Variants in KPNA6 observed in about 807,000 individuals in gnomAD.
KPNA6 encodes importin subunit alpha-7.
Under a neutral mutation model 72.0 loss-of-function variants are expected in KPNA6, and 9 were observed. The observed-to-expected ratio is 0.13, with a 90% CI of 0.08 to 0.22. The LOEUF is 0.22. KPNA6 is among the 10% of genes least tolerant of loss of function. The pLI is 1.00. For synonymous variants in KPNA6, 219 were observed against 242.1 expected (o/e 0.90, Z 0.89); for missense variants, 374 against 655.7 (o/e 0.57, Z 4.69).
intron 1 of KPNA6, among the ~76,000 whole-genome samples, chr1:32,139,554 A>G (rs1641802680): frequency 6.6e-6 from 1 of 152,198 alleles, no homozygotes. Flanking sequence ...TTTTACAGGA[A>G]ATACAAGGGG....
At chr1:32,129,169 CT>C (rs568094887) in intron 1 of KPNA6, among the ~76,000 whole-genome samples, 148 of 129,554 alleles carry the variant, frequency 1.1e-3, no homozygotes, top group Admixed American at 1.4e-3. Flanking sequence ...TTTTTTCTTT[CT>C]TTTTTTTTTT....
chr1:32,153,355 C>T (rs908695868), intron 1 of KPNA6, among the ~76,000 whole-genome samples: 2 of 151,920 alleles, frequency 1.3e-5, no homozygotes, highest in Non-Finnish European at 2.9e-5. Flanking sequence ...CACCTGAGGT[C>T]AGGAGTTCGA....
rs1445261819 is a variant in KPNA6, at chr1:32,172,492, C to T, written c.*1598C>T. ...TCTATTATCACTGAAACTTAGTAGC[C>T]TGCTTTTTTTTTTTTTTTTTTTAGA... On this transcript the variant is annotated 3_prime_UTR_variant, in exon 14 of 14. Coordinates refer to ENST00000373625, the MANE Select transcript of KPNA6 (RefSeq NM_012316.5). 6.9e-6 allele frequency: 1 copy of T among 145,928 alleles called. No homozygotes were observed. Among genetic ancestry groups the T allele is most frequent in the African/African-American group, 2.6e-5 (1 of 38,080 alleles). The allele number at this position is 145,928 out of a possible 1,614,324, so 9.0% of individuals were successfully genotyped here.
chr1:32,113,856 A>AT (rs1303577593), intron 1 of KPNA6, among the ~76,000 whole-genome samples: 1 of 152,148 alleles, frequency 6.6e-6, no homozygotes, highest in Non-Finnish European at 1.5e-5. Context: ...TGATCGTGAG[A>AT]TTGCAGCAAT....
At position 32,143,370 on chromosome 1, in the gene KPNA6, T is replaced by TA. The variant is rs931930874; in HGVS notation, c.5-11207dup. Among the ~76,000 whole-genome samples, 28 of 147,256 alleles carry TA rather than the reference T, an allele frequency of 1.9e-4. No individual in the cohort carries two copies. In the East Asian group the frequency reaches 2.4e-3, roughly 12 times the overall value. ...CCTGAGCCCAGGCTACAATGCCGATTAAAAAAAAAAATTATTCCAGCCTGG... is the reference window on the plus strand; with the variant it reads ...CCTGAGCCCAGGCTACAATGCCGATTAAAAAAAAAAAATTATTCCAGCCTGG... On this transcript the variant is annotated intron_variant, in intron 1 of 13. Coordinates refer to ENST00000373625, the MANE Select transcript of KPNA6 (RefSeq NM_012316.5).
intron 1 of KPNA6, among the ~76,000 whole-genome samples, chr1:32,123,739 T>TAAAAAA (rs56952347): frequency 1.0e-5 from 1 of 99,938 alleles, no homozygotes; most frequent in Admixed American, 1.1e-4. Flanking sequence ...GACCCTGTCT[T>TAAAAAA]AAAAAAAAAA....
intron 1 of KPNA6, among the ~76,000 whole-genome samples, chr1:32,130,512 G>A (rs990938041): frequency 1.3e-5 from 2 of 152,110 alleles, no homozygotes; most frequent in African/African-American, 4.8e-5. Flanking sequence ...CAGGCCAGAC[G>A]CAGGGTCTCA....
chr1:32,115,273 C>T (rs1456802287), intron 1 of KPNA6, among the ~76,000 whole-genome samples: 4 of 151,602 alleles, frequency 2.6e-5, no homozygotes, highest in Non-Finnish European at 4.4e-5. Flanking sequence ...GTAGCTGGGA[C>T]CACAGGCGCC....
intron 13 of KPNA6, 67 bp from the exon 14 acceptor site, chr1:32,170,640 G>C: frequency 1.5e-6 from 2 of 1,366,116 alleles, no homozygotes; most frequent in Non-Finnish European, 2.1e-6. Flanking sequence ...AGGAAAAATA[G>C]GTAAATGTTT....
At chr1:32,118,997 C>CATATATATATAT (rs71578197) in intron 1 of KPNA6, among the ~76,000 whole-genome samples, 25 of 59,824 alleles carry the variant, frequency 4.2e-4, no homozygotes, top group South Asian at 7.1e-4. Flanking sequence ...TGTGTGTATA[C>CATATATATATAT]ATATATATAT....
At chr1:32,163,392 C>T in intron 10 of KPNA6, 79 bp downstream of exon 10, 1 of 1,011,224 alleles carries the variant, frequency 9.9e-7, no homozygotes. Flanking sequence ...AAAAGCCTTT[C>T]CTGCAAAGGG....
At chr1:32,142,867 A>G in intron 1 of KPNA6, 1 of 1,037,956 alleles carries the variant, frequency 9.6e-7, no homozygotes, top group Non-Finnish European at 1.3e-6. Context: ...CTGCTTCCCC[A>G]GTGAAGTCAT....
At chr1:32,121,629 A>G (rs564499097) in intron 1 of KPNA6, among the ~76,000 whole-genome samples, 9 of 152,286 alleles carry the variant, frequency 5.9e-5, no homozygotes, top group African/African-American at 2.2e-4. Context: ...AAAGGAAGGA[A>G]ACATCAGTCA....
chr1:32,149,790 TTAA>T (rs1462168080), intron 1 of KPNA6, among the ~76,000 whole-genome samples: 1 of 152,188 alleles, frequency 6.6e-6, no homozygotes, highest in Non-Finnish European at 1.5e-5. Context: ...AAAGTCTTTA[TTAA>T]TATTATTTTT....
rs1401385357 is a variant in KPNA6, at chr1:32,174,179, AGGTGTTGGCCTCAGTTTTCAGGGACCCTT to A, written c.*3293_*3321del. 6.6e-6 allele frequency: 1 copy of A among 152,204 alleles called. No homozygotes were observed. Among genetic ancestry groups the A allele is most frequent in the Non-Finnish European group, 1.5e-5 (1 of 68,106 alleles). 9.4% of individuals were successfully genotyped at this position (152,204 alleles called of 1,614,324 possible). On this transcript the variant is annotated 3_prime_UTR_variant, in exon 14 of 14. Coordinates refer to ENST00000373625, the MANE Select transcript of KPNA6 (RefSeq NM_012316.5). ...TACAAATGGCCCCCCCCCAGGGAGC[AGGTGTTGGCCTCAGTTTTCAGGGACCCTT>A]GGTGTTGCTCCTTACCTAGAGCCCA... is the stretch of plus-strand genomic sequence containing the variant.
At chr1:32,130,002 GGTTCTTC>G (rs1641608754) in intron 1 of KPNA6, among the ~76,000 whole-genome samples, 1 of 152,042 alleles carries the variant, frequency 6.6e-6, no homozygotes. Flanking sequence ...CTTATTAGCT[GGTTCTTC>G]TGCAAGTTAT....
At position 32,170,850 on chromosome 1, in the gene KPNA6, A is replaced by G. The variant is rs752387863; in HGVS notation, c.1567A>G (p.Ile523Val). Residue 523 changes from isoleucine (I) to valine (V), a missense_variant, in exon 14 of 14, where the codon ATC (isoleucine) becomes GTC (valine). Ile to Val is a conservative substitution (Grantham distance 29, BLOSUM62 3). Coordinates refer to ENST00000373625, the MANE Select transcript of KPNA6 (RefSeq NM_012316.5). The part of the protein sequence containing the change: ...PQVDETQQQF[I>V]FQQPEAPMEG... ...AGTCGATGAAACGCAACAGCAGTTC[A>G]TCTTCCAGCAGCCTGAGGCCCCCAT... is the stretch of plus-strand genomic sequence containing the variant. 1.9e-6 allele frequency: 3 copies of G among 1,614,228 alleles called. No homozygotes were observed. The highest frequency in any genetic ancestry group is 2.2e-5 in the South Asian group (2 of 91,090).
In KPNA6 at chr1:32,175,022, G is replaced by A. The variant is rs528950734; in HGVS notation, c.*4128G>A. On this transcript the variant is annotated 3_prime_UTR_variant, in exon 14 of 14. Coordinates refer to ENST00000373625, the MANE Select transcript of KPNA6 (RefSeq NM_012316.5). ...GCTGGGATCCATGTAGTGGGCACTAGCTGCTCTTTGGCCAAGGCCTTCATA... is the reference window on the plus strand; with the variant it reads ...GCTGGGATCCATGTAGTGGGCACTAACTGCTCTTTGGCCAAGGCCTTCATA... 1 of 152,338 alleles carries A rather than the reference G, an allele frequency of 6.6e-6. No homozygotes were observed. Among genetic ancestry groups the A allele is most frequent in the Admixed American group, 6.5e-5 (1 of 15,294 alleles). The allele number at this position is 152,338 out of a possible 1,614,324, so 9.4% of individuals were successfully genotyped here.
chr1:32,157,008 G>C, intron 3 of KPNA6, 63 bp downstream of exon 3: 2 of 1,238,506 alleles, frequency 1.6e-6, no homozygotes, highest in Non-Finnish European at 2.3e-6. Context: ...GACAGAAATT[G>C]GGCCGTTCAC....
Sources: allele counts gnomAD v4.1 joint callset (sites outside exome capture counted in the v4.1 genomes callset), GRCh38; gene constraint gnomAD v4.1.1; transcripts MANE v1.5; gene names NCBI Gene and HGNC (gene_info 2026-07-23, HGNC 2026-07-21).